Variants in NME8 observed in about 807,000 individuals in gnomAD.
NME8 encodes the protein NME/NM23 family member 8, also known as protein NME8.
In NME8, 72 loss-of-function variants were observed where a neutral mutation model predicts 82.3. The ratio of observed to expected loss-of-function variants is 0.87; its 90% CI spans 0.72 to 1.06. NME8 has a LOEUF of 1.06. NME8 is among the 50% of genes least tolerant of loss of function. The probability of loss-of-function intolerance (pLI) is 0.00; values close to 1 mark genes in which losing one functional copy is unlikely to be tolerated. For missense variants in NME8, 712 were observed against 685.4 expected (o/e 1.04, Z -0.43); for synonymous variants, 267 against 228.5 (o/e 1.17, Z -1.52).
At chr7:37,894,368 C>A in intron 15 of NME8, 98 bp from the exon 16 acceptor site, 1 of 1,294,528 alleles carries the variant, frequency 7.7e-7, no homozygotes, top group Non-Finnish European at 1.1e-6. Context: ...CCACAATATG[C>A]AAATTAAACT....
chr7:37,893,824 ATCCTGGCCACCTCCCTTCC>A (rs1785173919), intron 15 of NME8, among the ~76,000 whole-genome samples: 1 of 152,104 alleles, frequency 6.6e-6, no homozygotes, highest in African/African-American at 2.4e-5. Context: ...CTTAGGGCAG[ATCCTGGCCACCTCCCTTCC>A]AGCAGGAGAG....
rs1293329371 is a variant in NME8, at chr7:37,848,625, CAG to C, written c.-341_-340del. ...GTTTGGGGATGAGGCAGCTGAAGAA[CAG>C]AGTCTTGTGATGGTGGAACCAGGAC... On this transcript the variant is annotated 5_prime_UTR_variant, in exon 1 of 18. An upstream open reading frame in the 5' UTR loses its in-frame stop. Coordinates refer to ENST00000199447, the MANE Select transcript of NME8 (RefSeq NM_016616.5). The C allele has an allele frequency of 6.6e-6, 1 of 152,430 alleles. No homozygotes were observed. The highest frequency in any genetic ancestry group is 1.5e-5 in the Non-Finnish European group (1 of 68,232). 9.4% of individuals were successfully genotyped at this position (152,430 alleles called of 1,614,324 possible).
At chr7:37,869,007 A>C (rs1007242681) in intron 11 of NME8, among the ~76,000 whole-genome samples, 1 of 152,152 alleles carries the variant, frequency 6.6e-6, no homozygotes, top group Non-Finnish European at 1.5e-5. Context: ...GCAAGAACAT[A>C]CTTAGAGTAT....
Position 37,857,311 on chromosome 7 carries a change from G to A in NME8, c.236G>A (p.Arg79Lys), listed in dbSNP as rs1784525558. ...AACATTGTGACTTTGCAGCCATTTA[G>A]AGATAAATGTGAACCTGTTTTTCTC... is the stretch of plus-strand genomic sequence containing the variant. Reference protein sequence around the residue: ...ADNIVTLQPFRDKCEPVFLFS... With the variant: ...ADNIVTLQPFKDKCEPVFLFS... The change falls in exon 6 of 18, where the codon AGA becomes AAA. Residue 79 changes from arginine to lysine, a missense_variant. Physicochemically the swap from Arg to Lys is conservative, Grantham distance 26. Coordinates refer to ENST00000199447, the MANE Select transcript of NME8 (RefSeq NM_016616.5). 1 of 1,611,636 alleles carries A rather than the reference G, an allele frequency of 6.2e-7. No homozygotes were observed. Among genetic ancestry groups the A allele is most frequent in the Non-Finnish European group, 8.5e-7 (1 of 1,178,400 alleles).
intron 11 of NME8, among the ~76,000 whole-genome samples, chr7:37,872,752 A>T (rs76250357): frequency 0.066 from 9,038 of 137,066 alleles, 369 homozygotes; most frequent in East Asian, 0.14. Context: ...GAAACTCTGC[A>T]CAGAGAAAGA....
intron 11 of NME8, among the ~76,000 whole-genome samples, chr7:37,871,978 C>G (rs1419296931): frequency 6.6e-6 from 1 of 152,018 alleles, no homozygotes. Context: ...AACTGATAAG[C>G]AGCTGGCTGT....
intron 15 of NME8, among the ~76,000 whole-genome samples, chr7:37,890,471 C>T (rs1785112804): frequency 6.6e-6 from 1 of 151,840 alleles, no homozygotes; most frequent in Non-Finnish European, 1.5e-5. Context: ...CCTCTTCTAC[C>T]TATTTTGAAA....
chr7:37,891,378 T>C (rs989138505), intron 15 of NME8, among the ~76,000 whole-genome samples: 2 of 151,936 alleles, frequency 1.3e-5, no homozygotes, highest in Admixed American at 6.6e-5. Flanking sequence ...ATTTCACCTA[T>C]ATTTTCTTCT....
rs752161845 is a variant in NME8 at position 37,888,460 on chromosome 7, C to T, written c.1399+32C>T. On this transcript the variant is annotated intron_variant, in intron 15 of 17. Coordinates refer to ENST00000199447, the MANE Select transcript of NME8 (RefSeq NM_016616.5). Reference sequence around the variant, plus strand: ...ATTTAAGAATAAAAGTGAATGTATACATTTTCTCCAAATTTTGTGAACATT... The same window carrying T: ...ATTTAAGAATAAAAGTGAATGTATATATTTTCTCCAAATTTTGTGAACATT... 1.9e-6 allele frequency: 3 copies of T among 1,585,352 alleles called. No homozygotes were observed. The Admixed American group carries it at 5.2e-5, about 27-fold the overall frequency.
At chr7:37,871,073 T>G (rs1055644604) in intron 11 of NME8, among the ~76,000 whole-genome samples, 21 of 152,096 alleles carry the variant, frequency 1.4e-4, no homozygotes, top group African/African-American at 5.1e-4. Context: ...CCTCTCTGGG[T>G]GGTGGGGATG....
Position 37,883,104 on chromosome 7 carries a change from A to G in NME8, c.995-1199A>G, listed in dbSNP as rs1366548660. On this transcript the variant is annotated intron_variant, in intron 12 of 17. Transcript: ENST00000199447. ...ATTCTCAAGGATTGACAATCGACCT[A>G]CTCTCCCATTAAATCTACTTTCTTT... Among the ~76,000 whole-genome samples, 4 of 151,868 alleles carry G rather than the reference A, an allele frequency of 2.6e-5. No individual in the cohort carries two copies. In the East Asian group the frequency reaches 7.7e-4, roughly 29 times the overall value.
chr7:37,865,025 G>A (rs1784656536), intron 9 of NME8, among the ~76,000 whole-genome samples: 4 of 152,118 alleles, frequency 2.6e-5, no homozygotes, highest in Non-Finnish European at 5.9e-5. Flanking sequence ...GATAGGGACA[G>A]AGCCAAACCA....
chr7:37,871,366 G>A (rs1181402844), intron 11 of NME8, among the ~76,000 whole-genome samples: 2 of 152,124 alleles, frequency 1.3e-5, no homozygotes, highest in African/African-American at 2.4e-5. Context: ...TTTCATGATG[G>A]CTTTTTATTA....
At chr7:37,897,328 TG>T (rs1460977121) in intron 17 of NME8, among the ~76,000 whole-genome samples, 1 of 152,088 alleles carries the variant, frequency 6.6e-6, no homozygotes, top group Non-Finnish European at 1.5e-5. Context: ...GTAACCAGGC[TG>T]GGGATGCTGC....
intron 6 of NME8, among the ~76,000 whole-genome samples, chr7:37,858,478 T>TG (rs1172870064): frequency 6.6e-6 from 1 of 152,122 alleles, no homozygotes; most frequent in Non-Finnish European, 1.5e-5. Context: ...TTGTTGTTGT[T>TG]TTGTTTTGTT....
intron 5 of NME8, among the ~76,000 whole-genome samples, chr7:37,852,766 T>C (rs1329593371): frequency 6.6e-6 from 1 of 152,238 alleles, no homozygotes; most frequent in African/African-American, 2.4e-5. Flanking sequence ...CTTCCAACTT[T>C]TAGCAGTTAG....
intron 15 of NME8, among the ~76,000 whole-genome samples, chr7:37,888,942 A>G (rs79884439): frequency 0.042 from 6,313 of 151,990 alleles, 183 homozygotes; most frequent in African/African-American, 0.061. Flanking sequence ...TATCAGGTTT[A>G]GAAATCAATG....
At chr7:37,860,117 G>T (rs904384915) in intron 6 of NME8, among the ~76,000 whole-genome samples, 7 of 152,096 alleles carry the variant, frequency 4.6e-5, no homozygotes, top group Non-Finnish European at 1.0e-4. Flanking sequence ...AGAGTTTCAG[G>T]TTTCATTTAA....
intron 5 of NME8, among the ~76,000 whole-genome samples, chr7:37,856,617 T>C (rs910405008): frequency 1.3e-5 from 2 of 152,248 alleles, no homozygotes; most frequent in African/African-American, 4.8e-5. Context: ...TTATTGAATG[T>C]ATAGTTGTTC....
Sources: gnomAD v4.1 joint callset for allele counts (sites outside exome capture counted in the v4.1 genomes callset) on GRCh38, gnomAD v4.1.1 for gene constraint, MANE v1.5 for transcripts, NCBI Gene and HGNC (gene_info 2026-07-23, HGNC 2026-07-21) for gene names.